CSPG5: variants seen among roughly 807,000 people sequenced by gnomAD.
CSPG5 encodes the protein chondroitin sulfate proteoglycan 5, also known as acidic leucine-rich EGF-like domain-containing brain protein.
CSPG5 carries 25 observed loss-of-function variants against 39.8 expected under a neutral mutation model. The observed-to-expected ratio is 0.63, with a 90% CI of 0.46 to 0.88. The LOEUF (loss-of-function observed/expected upper bound fraction) is 0.88, where lower values mean the gene tolerates loss of function less well. CSPG5 is among the 40% of genes least tolerant of loss of function. The pLI, the probability that CSPG5 is intolerant of heterozygous loss-of-function variation, is 0.00. For missense variants in CSPG5, 627 were observed against 702.2 expected, an observed-to-expected ratio of 0.89 and a Z score of 1.21; for synonymous variants, 295 against 303.9, an observed-to-expected ratio of 0.97 and a Z score of 0.31.
At chr3:47,575,661 C>A (rs1045013765) in intron 2 of CSPG5, among the ~76,000 whole-genome samples, 1 of 152,186 alleles carries the variant, frequency 6.6e-6, no homozygotes, top group Non-Finnish European at 1.5e-5. Context: ...AGACTCTCAG[C>A]TTGATTTTAT....
chr3:47,577,252 G>A lies in CSPG5; in HGVS notation c.774C>T (p.Thr258=). Residue 258 remains threonine, a synonymous_variant, in exon 2 of 5, where the codon ACC becomes ACT. Transcript: ENST00000264723. The surrounding 1 kb of genome is among the most constrained non-coding windows in gnomAD (Gnocchi z 4.7). ...GGTAGAAATCAGATTCATCGAAGGG[G>A]GTGAAATCATCGTATAAGTCAAGCA... The part of the protein sequence containing the change: ...WSLLDLYDDF[T]PFDESDFYPT... 6.2e-7 allele frequency: 1 copy of A among 1,611,498 alleles called. No homozygotes were observed. The highest frequency in any genetic ancestry group is 8.5e-7 in the Non-Finnish European group (1 of 1,178,798).
At chr3:47,567,262 C>G (rs1293274935) in intron 4 of CSPG5, among the ~76,000 whole-genome samples, 1 of 152,116 alleles carries the variant, frequency 6.6e-6, no homozygotes, top group Admixed American at 6.5e-5. Context: ...GACCTGCTGC[C>G]ATCTGCAGGA....
chr3:47,573,559 ACTTT>A (rs2031601414), intron 2 of CSPG5, among the ~76,000 whole-genome samples: 1 of 152,222 alleles, frequency 6.6e-6, no homozygotes, highest in African/African-American at 2.4e-5. Context: ...TTGTTGAGTG[ACTTT>A]CTCCTGCCCT....
At chr3:47,565,888 G>A (rs921435782) in intron 4 of CSPG5, among the ~76,000 whole-genome samples, 1 of 152,198 alleles carries the variant, frequency 6.6e-6, no homozygotes, top group Non-Finnish European at 1.5e-5. Flanking sequence ...TGGAGCACGG[G>A]CAGCTTCCTA....
Position 47,577,798 on chromosome 3 carries a change from C to T in CSPG5, c.228G>A (p.Thr76=). ...GCCCGGCCAGCTCGCCACCGGGCGC[C>T]GTCCACGACGCCTCATCTTCCCCAG... ...PAAGEDEASW[T]APGGELAGPE... Residue 76 remains threonine (T), a synonymous_variant, in exon 2 of 5, where the codon ACG becomes ACA. Transcript: ENST00000264723. This position sits in a 1 kb window ranked among gnomAD's most constrained non-coding sequence, Gnocchi z 4.7. 10 of 1,581,940 alleles carry T rather than the reference C, an allele frequency of 6.3e-6. No homozygotes were observed. The highest frequency in any genetic ancestry group is 8.5e-6 in the Non-Finnish European group (10 of 1,172,768).
At position 47,578,339 on chromosome 3, in the gene CSPG5, C is replaced by CCCCCGG. The variant is rs1345726309; in HGVS notation, c.97+252_97+257dup. Among the ~76,000 whole-genome samples, 2 of 149,520 alleles carry CCCCCGG rather than the reference C, an allele frequency of 1.3e-5. No homozygotes were observed. Among genetic ancestry groups the CCCCCGG allele is most frequent in the African/African-American group, 4.9e-5 (2 of 40,802 alleles). ...CCGCCCCGGCCCCGCCCCGGCCCCG[C>CCCCCGG]CCCCGGCCCCGCCCCCAGTCCGCAC... On this transcript the variant is annotated intron_variant, in intron 1 of 4. Coordinates refer to ENST00000264723, the MANE Select transcript of CSPG5 (RefSeq NM_006574.4). This position sits in a 1 kb window ranked among gnomAD's most constrained non-coding sequence, Gnocchi z 6.0.
At chr3:47,566,894 C>G (rs972985024) in intron 4 of CSPG5, among the ~76,000 whole-genome samples, 1 of 152,178 alleles carries the variant, frequency 6.6e-6, no homozygotes, top group Non-Finnish European at 1.5e-5. Flanking sequence ...GCCAACCACA[C>G]ACCGTGGCCG....
intron 4 of CSPG5, among the ~76,000 whole-genome samples, chr3:47,563,527 TTTTATGTA>T (rs1423334472): frequency 1.3e-5 from 2 of 152,156 alleles, no homozygotes; most frequent in South Asian, 2.1e-4. Context: ...TGAATTTGCA[TTTTATGTA>T]TTTATGTATT....
chr3:47,569,871 C>A (rs1160463708), intron 3 of CSPG5, among the ~76,000 whole-genome samples: 1 of 151,690 alleles, frequency 6.6e-6, no homozygotes, highest in Non-Finnish European at 1.5e-5. Flanking sequence ...CCTCGGCCTC[C>A]CAAGTAGCTG....
Position 47,577,739 on chromosome 3 carries a change from G to A in CSPG5, c.287C>T (p.Thr96Ile). The change falls in exon 2 of 5, where the codon ACC (threonine) becomes ATC (isoleucine). Residue 96 changes from threonine to isoleucine, a missense_variant. Thr to Ile is a moderately conservative substitution (Grantham distance 89). Transcript: ENST00000264723. This position sits in a 1 kb window ranked among gnomAD's most constrained non-coding sequence, Gnocchi z 4.7. ...GTCAGCTTCCAGCCAGGCGGTGCCG[G>A]TCACCGCAGCCGACTCCTGCAGCAC... ...EEVLQESAAV[T>I]GTAWLEADSP... The A allele has an allele frequency of 1.3e-6, 2 of 1,581,088 alleles. No homozygotes were observed. Among genetic ancestry groups the A allele is most frequent in the Non-Finnish European group, 1.7e-6 (2 of 1,169,402 alleles).
chr3:47,579,585 T>A (rs2031917594), upstream of CSPG5: 1 of 152,220 alleles, frequency 6.6e-6, no homozygotes, highest in Non-Finnish European at 1.5e-5. The surrounding 1 kb of genome is among the most constrained non-coding windows in gnomAD (Gnocchi z 4.2). Flanking sequence ...TTCCTTCTAG[T>A]CTCCGGGCAG....
chr3:47,566,807 G>A (rs1576368652), intron 4 of CSPG5, among the ~76,000 whole-genome samples: 1 of 152,178 alleles, frequency 6.6e-6, no homozygotes, highest in East Asian at 1.9e-4. Context: ...GTCTCAGGCA[G>A]AGCCCACTAT....
At chr3:47,569,861 C>T (rs886251065) in intron 3 of CSPG5, among the ~76,000 whole-genome samples, 29 of 151,484 alleles carry the variant, frequency 1.9e-4, no homozygotes, top group Non-Finnish European at 3.7e-4. Flanking sequence ...GATCTTTCCA[C>T]CTCGGCCTCC....
At chr3:47,567,498 T>C (rs1442729124) in intron 4 of CSPG5, among the ~76,000 whole-genome samples, 2 of 152,258 alleles carry the variant, frequency 1.3e-5, no homozygotes, top group African/African-American at 4.8e-5. Flanking sequence ...TTGTTGTATC[T>C]TGGTACAAAC....
rs1246109904 is a variant in CSPG5, at chr3:47,577,510, G to C, written c.516C>G (p.Pro172=). ...CCCCCAGGTTCAGCCAAACCTCCAAGGGGCTCTCCTTGGGGAGTTCAGAAG... is the reference window on the plus strand; with the variant it reads ...CCCCCAGGTTCAGCCAAACCTCCAACGGGCTCTCCTTGGGGAGTTCAGAAG... The part of the protein sequence containing the change: ...SPASELPKES[P]LEVWLNLGGS... The change falls in exon 2 of 5, where the codon CCC becomes CCG. Residue 172 remains proline, a synonymous_variant. Transcript: ENST00000264723. The surrounding 1 kb of genome is among the most constrained non-coding windows in gnomAD (Gnocchi z 4.7). The C allele has an allele frequency of 3.7e-6, 6 of 1,613,044 alleles. No individual in the cohort carries two copies. Among genetic ancestry groups the C allele is most frequent in the Admixed American group, 1.7e-5 (1 of 59,974 alleles).
At chr3:47,562,913 T>C (rs2108183540) in intron 4 of CSPG5, 152 bp from the exon 5 acceptor site, 1 of 778,456 alleles carries the variant, frequency 1.3e-6, no homozygotes, top group Non-Finnish European at 1.9e-6. Context: ...AAGTAACTCA[T>C]TAGCAGCAAC....
chr3:47,577,988 C>G lies in CSPG5; in HGVS notation c.98-60G>C. The G allele has an allele frequency of 3.7e-6, 5 of 1,365,104 alleles. No homozygotes were observed. The highest frequency in any genetic ancestry group is 4.7e-6 in the Non-Finnish European group (5 of 1,067,772). The allele number at this position is 1,365,104 out of a possible 1,614,324, so 84.6% of individuals were successfully genotyped here. A position where few individuals can be genotyped will look rare whatever the true frequency, so the allele number is the denominator to read the frequency against. On this transcript the variant is annotated intron_variant, in intron 1 of 4. Transcript: ENST00000264723. This position sits in a 1 kb window ranked among gnomAD's most constrained non-coding sequence, Gnocchi z 4.7. ...GCGGCGCGCTGAGGAGCCCTGGAGC[C>G]CCGGCCCGCCCCGGTCAGGCCCGCT... is the stretch of plus-strand genomic sequence containing the variant.
chr3:47,565,029 A>C (rs2031239687), intron 4 of CSPG5, among the ~76,000 whole-genome samples: 1 of 152,136 alleles, frequency 6.6e-6, no homozygotes, highest in South Asian at 2.1e-4. Context: ...TATGTCTTTC[A>C]AGATAACCTC....
In CSPG5 at chr3:47,577,996, G is replaced by A. The variant is rs957365768; in HGVS notation, c.98-68C>T. On this transcript the variant is annotated intron_variant, in intron 1 of 4. Coordinates refer to ENST00000264723, the MANE Select transcript of CSPG5 (RefSeq NM_006574.4). The surrounding 1 kb of genome is among the most constrained non-coding windows in gnomAD (Gnocchi z 4.7). ...CTGAGGAGCCCTGGAGCCCCGGCCC[G>A]CCCCGGTCAGGCCCGCTCGCCTAGA... 3 of 1,360,594 alleles carry A rather than the reference G, an allele frequency of 2.2e-6. No homozygotes were observed. The highest frequency in any genetic ancestry group is 3.8e-5 in the Admixed American group (1 of 26,218). The allele number at this position is 1,360,594 out of a possible 1,614,324, so 84.3% of individuals were successfully genotyped here.
Sources: allele counts gnomAD v4.1 joint callset (sites outside exome capture counted in the v4.1 genomes callset), GRCh38; gene constraint gnomAD v4.1.1; non-coding constraint Gnocchi (gnomAD v3.1); transcripts MANE v1.5; gene names NCBI Gene and HGNC (gene_info 2026-07-23, HGNC 2026-07-21).